Variants in TXN2 observed in about 807,000 individuals in gnomAD.
The protein encoded by TXN2 is thioredoxin 2.
TXN2 carries 12 observed loss-of-function variants against 14.6 expected under a neutral mutation model. That is an observed-to-expected ratio of 0.82 (90% CI 0.53 to 1.33). TXN2 has a LOEUF of 1.33. TXN2 is among the 40% of genes most tolerant of loss of function. The probability of loss-of-function intolerance (pLI) is 0.00; values close to 1 mark genes in which losing one functional copy is unlikely to be tolerated. For synonymous variants in TXN2, 89 were observed against 81.0 expected (o/e 1.10, Z -0.53); for missense variants, 173 against 207.7 (o/e 0.83, Z 1.03).
chr22:36,469,378 TTGC>T (rs1219474735), intron 3 of TXN2, among the ~76,000 whole-genome samples: 2 of 151,008 alleles, frequency 1.3e-5, no homozygotes, highest in Non-Finnish European at 1.5e-5. Flanking sequence ...GCACATTAGC[TTGC>T]TGCTGTGATG....
At chr22:36,473,260 T>C (rs1036309488) in intron 3 of TXN2, among the ~76,000 whole-genome samples, 18 of 152,096 alleles carry the variant, frequency 1.2e-4, no homozygotes, top group African/African-American at 4.1e-4. Context: ...CTGGCAAACA[T>C]GGTAAAACCT....
chr22:36,472,258 C>T (rs533590414), intron 3 of TXN2, among the ~76,000 whole-genome samples: 8 of 152,064 alleles, frequency 5.3e-5, no homozygotes, highest in Non-Finnish European at 1.0e-4. Context: ...GTGAAAAGAT[C>T]AAGAGTCGCC....
chr22:36,479,566 A>G (rs2145827808), intron 2 of TXN2, among the ~76,000 whole-genome samples: 1 of 152,266 alleles, frequency 6.6e-6, no homozygotes, highest in South Asian at 2.1e-4. Context: ...TCCTGACCTC[A>G]GGTAATCCAC....
intron 2 of TXN2, among the ~76,000 whole-genome samples, chr22:36,479,481 G>A (rs545662717): frequency 2.6e-5 from 4 of 151,850 alleles, no homozygotes; most frequent in South Asian, 2.1e-4. Context: ...ACAGGTGCCC[G>A]CCACCACGCC....
chr22:36,475,105 C>T (rs901032111), intron 3 of TXN2, among the ~76,000 whole-genome samples: 1 of 152,238 alleles, frequency 6.6e-6, no homozygotes, highest in Non-Finnish European at 1.5e-5. Context: ...CCGCTGGGCG[C>T]GGTGGCTTAC....
In TXN2 at chr22:36,480,501, G is replaced by A. The variant is rs1933476463; in HGVS notation, c.263+74C>T. 1.2e-5 allele frequency: 19 copies of A among 1,557,400 alleles called. No homozygotes were observed. The East Asian group carries it at 2.2e-4, about 18-fold the overall frequency. On this transcript the variant is annotated intron_variant, in intron 2 of 3. Coordinates refer to ENST00000216185, the MANE Select transcript of TXN2 (RefSeq NM_012473.4). ...CATATGAGCAGCATAGAACATGGCC[G>A]TGGGACACAGCAGGCATTCAATAAA...
At chr22:36,469,181 G>A (rs1933222422) in intron 3 of TXN2, among the ~76,000 whole-genome samples, 1 of 152,260 alleles carries the variant, frequency 6.6e-6, no homozygotes, top group Admixed American at 6.5e-5. Context: ...TCAGATGCAG[G>A]ATGGAGATAC....
chr22:36,475,477 A>C (rs1933367566), intron 3 of TXN2, among the ~76,000 whole-genome samples: 1 of 152,192 alleles, frequency 6.6e-6, no homozygotes, highest in South Asian at 2.1e-4. Flanking sequence ...GGGTCAGCAA[A>C]CTATAGTTCA....
chr22:36,468,430 G>A (rs1177415505), intron 3 of TXN2, among the ~76,000 whole-genome samples: 4 of 152,206 alleles, frequency 2.6e-5, no homozygotes, highest in Admixed American at 2.0e-4. Flanking sequence ...GAACATTAAA[G>A]ATTCAAGTAT....
chr22:36,472,589 G>A (rs1371152991), intron 3 of TXN2, among the ~76,000 whole-genome samples: 4 of 152,008 alleles, frequency 2.6e-5, no homozygotes, highest in East Asian at 1.9e-4. Flanking sequence ...ATTTTGCCAC[G>A]AACCTAAAAC....
At chr22:36,468,671 G>A (rs1295375001) in intron 3 of TXN2, 22 of 449,990 alleles carry the variant, frequency 4.9e-5, no homozygotes, top group Non-Finnish European at 9.8e-5. Context: ...GCTTCAGTGA[G>A]CTGTGATTGT....
chr22:36,477,506 C>T (rs2145826133), intron 2 of TXN2, among the ~76,000 whole-genome samples: 1 of 152,352 alleles, frequency 6.6e-6, no homozygotes, highest in South Asian at 2.1e-4. Context: ...CCGCGCCCGG[C>T]CTGGGCCCTA....
intron 3 of TXN2, chr22:36,468,601 C>T: frequency 2.3e-6 from 1 of 439,516 alleles, no homozygotes; most frequent in Non-Finnish European, 4.5e-6. Flanking sequence ...GTGGTACATG[C>T]CTGTACTCCC....
At chr22:36,472,364 C>T (rs958323179) in intron 3 of TXN2, among the ~76,000 whole-genome samples, 1 of 152,048 alleles carries the variant, frequency 6.6e-6, no homozygotes, top group Non-Finnish European at 1.5e-5. Context: ...ATGTGGACAC[C>T]GGCTATGACA....
rs1430110372 is a variant in TXN2 at position 36,481,569 on chromosome 22, T to C, written c.-6A>G. 1 of 999,800 alleles carries C rather than the reference T, an allele frequency of 1.0e-6. No individual in the cohort carries two copies. Among genetic ancestry groups the C allele is most frequent in the Non-Finnish European group, 1.2e-6 (1 of 829,840 alleles). The allele number at this position is 999,800 out of a possible 1,614,324, so 61.9% of individuals were successfully genotyped here. A position where few individuals can be genotyped will look rare whatever the true frequency, so the allele number is the denominator to read the frequency against. On this transcript the variant is annotated 5_prime_UTR_variant, in exon 1 of 4. Coordinates refer to ENST00000216185, the MANE Select transcript of TXN2 (RefSeq NM_012473.4). Reference sequence around the variant, plus strand: ...CACCCCCACAGGGCTCCTACCTCCCTGCAATGCGAGCGGAGGGATGCACAG... The same window carrying C: ...CACCCCCACAGGGCTCCTACCTCCCCGCAATGCGAGCGGAGGGATGCACAG...
rs536527168 is a variant in TXN2 at position 36,472,411 on chromosome 22, G to C, written c.387+4322C>G. Among the ~76,000 whole-genome samples the C allele has an allele frequency of 4.6e-5, 7 of 152,270 alleles. No homozygotes were observed. In the South Asian group the frequency reaches 1.4e-3, roughly 32 times the overall value. On this transcript the variant is annotated intron_variant, in intron 3 of 3. Transcript: ENST00000216185. ...ACCCACAGCAGGCACAACACCAAGA[G>C]TGATCCCCTATGTAAACTTTTGGCT...
At chr22:36,471,739 A>T (rs1379982477) in intron 3 of TXN2, among the ~76,000 whole-genome samples, 36 of 152,046 alleles carry the variant, frequency 2.4e-4, no homozygotes, top group Admixed American at 2.0e-3. Context: ...GAGGCTGAGG[A>T]AGGTGAATCA....
chr22:36,479,285 C>T (rs1007776029), intron 2 of TXN2, among the ~76,000 whole-genome samples: 2 of 151,772 alleles, frequency 1.3e-5, no homozygotes, highest in African/African-American at 4.8e-5. Context: ...GGAAAGCCAG[C>T]GAAACAATCT....
rs1933186618 is a variant in TXN2 at position 36,467,600 on chromosome 22, T to TC, written c.*203dup. ...AGGCGTATGGGAGGGAAGACAGCGG[T>TC]CCCCGGATCAGCAGCAGCACCACCA... is the stretch of plus-strand genomic sequence containing the variant. On this transcript the variant is annotated 3_prime_UTR_variant, in exon 4 of 4. Transcript: ENST00000216185. The TC allele has an allele frequency of 1.8e-6, 1 of 567,096 alleles. No homozygotes were observed. The highest frequency in any genetic ancestry group is 3.0e-5 in the East Asian group (1 of 32,944). 35.1% of individuals were successfully genotyped at this position (567,096 alleles called of 1,614,324 possible). A position where few individuals can be genotyped will look rare whatever the true frequency, so the allele number is the denominator to read the frequency against.
Sources: allele counts gnomAD v4.1 joint callset (sites outside exome capture counted in the v4.1 genomes callset), GRCh38; gene constraint gnomAD v4.1.1; transcripts MANE v1.5; gene names NCBI Gene and HGNC (gene_info 2026-07-23, HGNC 2026-07-21).